Variants in CPS1 observed in about 807,000 individuals in gnomAD.
The protein encoded by CPS1 is carbamoyl-phosphate synthase [ammonia], mitochondrial.
CPS1 carries 109 observed loss-of-function variants against 174.6 expected under a neutral mutation model. The observed-to-expected ratio is 0.62, with a 90% CI of 0.53 to 0.73. CPS1 has a LOEUF of 0.73. Among genes scored for constraint, CPS1 ranks in the 30% least tolerant of loss-of-function variants. The pLI, the probability that CPS1 is intolerant of heterozygous loss-of-function variation, is 0.00. For missense variants in CPS1, 1,689 were observed against 1,821.9 expected (o/e 0.93, Z 1.33); for synonymous variants, 637 against 632.0 (o/e 1.01, Z -0.12).
intron 22 of CPS1, among the ~76,000 whole-genome samples, chr2:210,638,151 T>G (rs1294768106): frequency 6.6e-6 from 1 of 152,240 alleles, no homozygotes; most frequent in African/African-American, 2.4e-5. Context: ...TGTTCAAATA[T>G]GTAAGTAGTT....
Position 210,588,090 on chromosome 2 carries a change from A to G in CPS1, c.654A>G (p.Thr218=). ...DVKVYGKGNP[T]KVVAVDCGIK... Reference sequence around the variant, plus strand: ...AAGTGTACGGCAAAGGAAACCCCACAAAAGTGGTAGCTGTAGACTGTGGGA... The same window carrying G: ...AAGTGTACGGCAAAGGAAACCCCACGAAAGTGGTAGCTGTAGACTGTGGGA... Residue 218 remains threonine (T), a synonymous_variant, in exon 7 of 38, where the codon ACA becomes ACG. Transcript: ENST00000233072. 1 of 1,613,058 alleles carries G rather than the reference A, an allele frequency of 6.2e-7. No individual in the cohort carries two copies. The highest frequency in any genetic ancestry group is 1.3e-5 in the African/African-American group (1 of 74,970).
intron 2 of CPS1, among the ~76,000 whole-genome samples, chr2:210,574,300 A>G (rs6435577): frequency 0.49 from 74,833 of 151,794 alleles, 18,686 homozygotes; most frequent in Middle Eastern, 0.6. Flanking sequence ...CAATCCAACT[A>G]GTATTCTATG....
intron 1 of CPS1, among the ~76,000 whole-genome samples, chr2:210,534,402 A>G (rs2106004304): frequency 6.6e-6 from 1 of 152,296 alleles, no homozygotes; most frequent in South Asian, 2.1e-4. Context: ...ATAAATGACT[A>G]TCCACTCCTG....
chr2:210,492,100 G>A (rs1694890986), intron 1 of CPS1, among the ~76,000 whole-genome samples: 3 of 152,196 alleles, frequency 2.0e-5, no homozygotes, highest in Admixed American at 2.0e-4. Context: ...ACAAGAGTTA[G>A]ACTTCACTAT....
In CPS1 at chr2:210,594,584, C is replaced by A; in HGVS notation, c.1241C>A (p.Ala414Glu). ...ATTACATCAGTCTTACCGAAGCCAGCACTAGTTGCATCTCGGGTTGAGGTC... is the reference window on the plus strand; with the variant it reads ...ATTACATCAGTCTTACCGAAGCCAGAACTAGTTGCATCTCGGGTTGAGGTC... ...TTITSVLPKP[A>E]LVASRVEVSK... Residue 414 changes from alanine (A) to glutamate (E), a missense_variant, in exon 12 of 38, where the codon GCA becomes GAA. Ala to Glu is a moderately radical substitution (Grantham distance 107). Transcript: ENST00000233072. 4 of 1,611,034 alleles carry A rather than the reference C, an allele frequency of 2.5e-6. No individual in the cohort carries two copies. Among genetic ancestry groups the A allele is most frequent in the Non-Finnish European group, 2.5e-6 (3 of 1,178,084 alleles).
chr2:210,607,018 CTG>C lies in CPS1; in HGVS notation c.2192+79_2192+80del, dbSNP rs1248086779. On this transcript the variant is annotated intron_variant, in intron 18 of 37. Coordinates refer to ENST00000233072, the MANE Select transcript of CPS1 (RefSeq NM_001875.5). ...TGAAAAATTGACAGATAGTGGAAGACTGTACTGCATTTACAAACTATGTTCCC... is the reference window on the plus strand; with the variant it reads ...TGAAAAATTGACAGATAGTGGAAGACTACTGCATTTACAAACTATGTTCCC... 2.3e-6 allele frequency: 3 copies of C among 1,299,558 alleles called. No homozygotes were observed. The African/African-American group carries it at 4.4e-5, about 19-fold the overall frequency. The allele number at this position is 1,299,558 out of a possible 1,614,324, so 80.5% of individuals were successfully genotyped here. A position where few individuals can be genotyped will look rare whatever the true frequency, so the allele number is the denominator to read the frequency against.
intron 28 of CPS1, among the ~76,000 whole-genome samples, chr2:210,650,876 G>A (rs913777737): frequency 9.2e-6 from 1 of 108,336 alleles, no homozygotes; most frequent in Non-Finnish European, 1.9e-5. Flanking sequence ...TGGGAACTTT[G>A]CCTAGTCAAA....
chr2:210,643,416 A>G (rs1163439417), intron 25 of CPS1, among the ~76,000 whole-genome samples: 4 of 152,258 alleles, frequency 2.6e-5, no homozygotes, highest in African/African-American at 9.6e-5. Context: ...CCAGAAAATC[A>G]TCTCTATGTG....
intron 29 of CPS1, 146 bp downstream of exon 29, chr2:210,654,248 T>G (rs1234889896): frequency 3.1e-5 from 22 of 716,472 alleles, no homozygotes; most frequent in Non-Finnish European, 7.4e-6. Flanking sequence ...AAAATCAAAT[T>G]CTCTGACAAT....
chr2:210,558,319 C>G (rs550683640), intron 1 of CPS1, among the ~76,000 whole-genome samples: 9 of 151,970 alleles, frequency 5.9e-5, no homozygotes, highest in Admixed American at 2.6e-4. Flanking sequence ...ATAAAGGGCA[C>G]TGGGAGCAGT....
upstream of CPS1, chr2:210,555,590 T>C: frequency 2.2e-6 from 1 of 455,412 alleles, no homozygotes; most frequent in South Asian, 1.6e-5. Flanking sequence ...ACTGATTCTA[T>C]GTTATTGAAG....
In CPS1 at chr2:210,573,334, A is replaced by AAG. The variant is rs775317036; in HGVS notation, c.165_166dup (p.Met56ArgfsTer2). On this transcript the variant is annotated frameshift_variant, in exon 2 of 38. Coordinates refer to ENST00000233072, the MANE Select transcript of CPS1 (RefSeq NM_001875.5). LOFTEE classifies it high-confidence loss of function. ...ACACATTGTCCTGGAAGATGGAACT[A>AAG]AGATGAAAGGTTACTCCTTTGGCCA... is the stretch of plus-strand genomic sequence containing the variant. The AAG allele has an allele frequency of 6.2e-7, 1 of 1,613,250 alleles. No individual in the cohort carries two copies. The highest frequency in any genetic ancestry group is 1.1e-5 in the South Asian group (1 of 91,074).
At position 210,559,849 on chromosome 2, in the gene CPS1, A is replaced by G. The variant is rs1268102939; in HGVS notation, c.126+2990A>G. ...TTGACAAATTATGTGATTGTCACAC[A>G]TGAACAATTCTCAAAAATCTTTAAA... On this transcript the variant is annotated intron_variant, in intron 1 of 37. Transcript: ENST00000233072. Among the ~76,000 whole-genome samples, 4 of 152,296 alleles carry G rather than the reference A, an allele frequency of 2.6e-5. No homozygotes were observed. In the South Asian group the frequency reaches 6.2e-4, roughly 24 times the overall value.
intron 6 of CPS1, among the ~76,000 whole-genome samples, chr2:210,584,416 A>T (rs547761332): frequency 1.6e-4 from 24 of 152,254 alleles, no homozygotes; most frequent in African/African-American, 5.5e-4. Context: ...AGGCGATTGA[A>T]ATTCTTAGAA....
chr2:210,651,060 T>G (rs962596664), intron 28 of CPS1, among the ~76,000 whole-genome samples: 1 of 152,216 alleles, frequency 6.6e-6, no homozygotes, highest in East Asian at 1.9e-4. Context: ...ATGATCCATT[T>G]AAGATTTACC....
chr2:210,569,670 C>T (rs1222472799), intron 1 of CPS1, among the ~76,000 whole-genome samples: 1 of 152,026 alleles, frequency 6.6e-6, no homozygotes, highest in East Asian at 1.9e-4. Flanking sequence ...AGTTCAGTGT[C>T]TGAGACTTGA....
chr2:210,516,303 C>T (rs74552803), intron 1 of CPS1, among the ~76,000 whole-genome samples: 28 of 151,720 alleles, frequency 1.8e-4, no homozygotes, highest in Non-Finnish European at 3.2e-4. Context: ...GGTTTAAGTT[C>T]GGTTGATGAC....
At chr2:210,637,964 T>C in intron 22 of CPS1, 121 bp downstream of exon 22, 2 of 1,116,694 alleles carry the variant, frequency 1.8e-6, no homozygotes, top group South Asian at 2.6e-5. Flanking sequence ...GTGACAATAC[T>C]CATCCGGTTG....
chr2:210,507,936 T>G (rs1365081149), intron 1 of CPS1, among the ~76,000 whole-genome samples: 3 of 151,846 alleles, frequency 2.0e-5, no homozygotes, highest in East Asian at 1.9e-4. Flanking sequence ...ATGGGAGACT[T>G]TAACACCCCA....
Sources: gnomAD v4.1 joint callset for allele counts (sites outside exome capture counted in the v4.1 genomes callset) on GRCh38, gnomAD v4.1.1 for gene constraint, MANE v1.5 for transcripts, NCBI Gene and HGNC (gene_info 2026-07-23, HGNC 2026-07-21) for gene names.